Variants in ACBD6 observed in about 807,000 individuals in gnomAD.
ACBD6 encodes acyl-CoA-binding domain-containing protein 6.
ACBD6 carries 28 observed loss-of-function variants against 37.2 expected under a neutral mutation model. The ratio of observed to expected loss-of-function variants is 0.75; its 90% confidence interval spans 0.56 to 1.03. The LOEUF (loss-of-function observed/expected upper bound fraction) is 1.03. Among genes scored for constraint, ACBD6 ranks in the 50% least tolerant of loss-of-function variants. ACBD6 has a pLI of 0.00. For missense variants in ACBD6, 340 were observed against 337.4 expected (o/e 1.01, Z -0.06); for synonymous variants, 113 against 126.8 (o/e 0.89, Z 0.73).
chr1:180,422,784 G>A lies in ACBD6; in HGVS notation c.467+7396C>T, dbSNP rs987471150. 8.5e-5 allele frequency among the ~76,000 whole-genome samples: 13 copies of A among 152,050 alleles called. No individual in the cohort carries two copies. In the East Asian group the frequency reaches 1.7e-3, roughly 20 times the overall value. ...AAGAGATCACTGTTTACTGTTATAC[G>A]CAGTTTACTGGAGGGACAAACTGCT... On this transcript the variant is annotated intron_variant, in intron 4 of 7. Coordinates refer to ENST00000367595, the MANE Select transcript of ACBD6 (RefSeq NM_032360.4).
intron 6 of ACBD6, among the ~76,000 whole-genome samples, chr1:180,374,529 A>G (rs12403665): frequency 0.099 from 15,019 of 152,240 alleles, 1,059 homozygotes; most frequent in East Asian, 0.36. Context: ...CAGAAAAAGA[A>G]GATCAACTGA....
chr1:180,311,375 T>C (rs1227281855), intron 7 of ACBD6, among the ~76,000 whole-genome samples: 7 of 152,228 alleles, frequency 4.6e-5, no homozygotes, highest in African/African-American at 1.4e-4. Flanking sequence ...ACTGTCAGGC[T>C]AACTTGCTAG....
chr1:180,452,122 T>C (rs898805421), intron 3 of ACBD6, among the ~76,000 whole-genome samples: 1 of 152,140 alleles, frequency 6.6e-6, no homozygotes, highest in Non-Finnish European at 1.5e-5. Flanking sequence ...GGGAAATTTA[T>C]AGCACTAAAT....
intron 6 of ACBD6, among the ~76,000 whole-genome samples, chr1:180,326,937 G>A (rs1034692267): frequency 1.7e-4 from 26 of 152,102 alleles, no homozygotes; most frequent in Non-Finnish European, 1.5e-4. Context: ...GTAAGACAAA[G>A]TCCTCCTTAC....
intron 6 of ACBD6, among the ~76,000 whole-genome samples, chr1:180,358,804 G>C (rs1652732302): frequency 6.6e-6 from 1 of 152,152 alleles, no homozygotes; most frequent in Non-Finnish European, 1.5e-5. Flanking sequence ...TAAAGACACT[G>C]CTGGCACCAG....
chr1:180,467,854 A>G (rs1266732178), intron 3 of ACBD6, among the ~76,000 whole-genome samples: 1 of 152,176 alleles, frequency 6.6e-6, no homozygotes, highest in African/African-American at 2.4e-5. Context: ...TCAGTAAAGC[A>G]AACAATGCTA....
intron 3 of ACBD6, among the ~76,000 whole-genome samples, chr1:180,464,466 T>C (rs1452595292): frequency 1.3e-5 from 2 of 151,888 alleles, no homozygotes; most frequent in African/African-American, 4.8e-5. Flanking sequence ...ACAAAGTACC[T>C]AGGAAACAGC....
downstream of ACBD6, among the ~76,000 whole-genome samples, chr1:180,284,065 A>G (rs1649394223): frequency 6.6e-6 from 1 of 152,224 alleles, no homozygotes; most frequent in Admixed American, 6.5e-5. Flanking sequence ...GAATATTTCA[A>G]GGACAAGTGA....
At chr1:180,485,809 T>A (rs1281412028) in intron 3 of ACBD6, among the ~76,000 whole-genome samples, 1 of 152,116 alleles carries the variant, frequency 6.6e-6, no homozygotes, top group African/African-American at 2.4e-5. Flanking sequence ...AAAAAGGACA[T>A]AGAAGCCATC....
intron 3 of ACBD6, among the ~76,000 whole-genome samples, chr1:180,463,723 C>T (rs1650238402): frequency 6.6e-6 from 1 of 152,188 alleles, no homozygotes; most frequent in South Asian, 2.1e-4. Context: ...CAACATCATC[C>T]TGCTACCAAA....
chr1:180,386,056 G>C (rs191412408), intron 6 of ACBD6, among the ~76,000 whole-genome samples: 25 of 152,150 alleles, frequency 1.6e-4, no homozygotes, highest in Non-Finnish European at 3.1e-4. Flanking sequence ...TGTAGCCCCA[G>C]CTACTCTAGA....
At chr1:180,316,930 G>A (rs16855769) in intron 6 of ACBD6, among the ~76,000 whole-genome samples, 9,671 of 152,176 alleles carry the variant, frequency 0.064, 948 homozygotes, top group African/African-American at 0.21. Flanking sequence ...TGATGTGGGT[G>A]CTATTTTAGA....
In ACBD6 at chr1:180,502,249, C is replaced by T. The variant is rs140493726; in HGVS notation, c.18G>A (p.Leu6=). ...TGTCGCCGGTGATGGCCCCCGCGGG[C>T]AGGAATGATGAAGCCATGTCTCCTT... The part of the protein sequence containing the change: MASSF[L]PAGAITGDSG... Residue 6 remains leucine, a synonymous_variant, in exon 1 of 8, where the codon CTG becomes CTA. Transcript: ENST00000367595. The T allele has an allele frequency of 3.1e-6, 5 of 1,613,380 alleles. No homozygotes were observed. In the African/African-American group the frequency reaches 6.7e-5, roughly 22 times the overall value.
chr1:180,429,370 TG>T (rs1432227566), intron 4 of ACBD6, among the ~76,000 whole-genome samples: 2 of 152,246 alleles, frequency 1.3e-5, no homozygotes, highest in African/African-American at 4.8e-5. Flanking sequence ...TTTGTGTTCT[TG>T]TGACTGGCTT....
At chr1:180,410,291 C>T (rs186474496) in intron 5 of ACBD6, among the ~76,000 whole-genome samples, 1 of 152,330 alleles carries the variant, frequency 6.6e-6, no homozygotes, top group East Asian at 1.9e-4. Flanking sequence ...ATCCAGAAGA[C>T]CTAGTTAAAG....
intron 6 of ACBD6, among the ~76,000 whole-genome samples, chr1:180,354,447 T>G (rs1445806239): frequency 1.3e-5 from 2 of 152,158 alleles, no homozygotes; most frequent in Admixed American, 6.5e-5. Context: ...TGCCATGGAC[T>G]AGGGGATATG....
At chr1:180,491,028 T>C (rs1312804231) in intron 3 of ACBD6, among the ~76,000 whole-genome samples, 1 of 150,716 alleles carries the variant, frequency 6.6e-6, no homozygotes, top group East Asian at 2.0e-4. Flanking sequence ...TCATTAAAGA[T>C]ATCCAAAGTT....
intron 6 of ACBD6, among the ~76,000 whole-genome samples, chr1:180,321,616 C>T (rs1651073725): frequency 1.3e-5 from 2 of 151,622 alleles, no homozygotes; most frequent in Non-Finnish European, 2.9e-5. Flanking sequence ...TTTTGTAAGC[C>T]AAGATTGCAC....
intron 6 of ACBD6, among the ~76,000 whole-genome samples, chr1:180,385,757 TCTTTGATTTAGAACCTCCAG>T (rs1175808214): frequency 6.6e-6 from 1 of 152,180 alleles, no homozygotes; most frequent in Non-Finnish European, 1.5e-5. Flanking sequence ...GGCGCCTTTA[TCTTTGATTTAGAACCTCCAG>T]AACTGTGGGA....
Sources: gnomAD v4.1 joint callset for allele counts (sites outside exome capture counted in the v4.1 genomes callset) on GRCh38, gnomAD v4.1.1 for gene constraint, MANE v1.5 for transcripts, NCBI Gene and HGNC (gene_info 2026-07-23, HGNC 2026-07-21) for gene names.